SCAMP3: variants seen among roughly 807,000 people sequenced by gnomAD.
The protein encoded by SCAMP3 is secretory carrier-associated membrane protein 3.
A neutral mutation model predicts 44.1 loss-of-function variants in SCAMP3; 30 were observed. The observed-to-expected ratio is 0.68, with a 90% CI of 0.51 to 0.92. The LOEUF (loss-of-function observed/expected upper bound fraction) is 0.92. Ranked by LOEUF, SCAMP3 falls within the 40% of genes least tolerant of loss-of-function variation. The pLI is 0.00. For missense variants in SCAMP3, 394 were observed against 440.0 expected (o/e 0.90, Z 0.93); for synonymous variants, 168 against 171.1 (o/e 0.98, Z 0.14).
At chr1:155,256,890 GCTCC>G (rs1672815692) in intron 7 of SCAMP3, 99 bp from the exon 8 acceptor site, 4 of 865,950 alleles carry the variant, frequency 4.6e-6, no homozygotes, top group South Asian at 4.4e-5. Flanking sequence ...ATCAGCAGTG[GCTCC>G]CTGTCAATCG....
intron 4 of SCAMP3, 44 bp downstream of exon 4, chr1:155,260,286 C>T (rs764416896): frequency 2.5e-6 from 4 of 1,601,600 alleles, no homozygotes; most frequent in Admixed American, 1.7e-5. Context: ...CCTGTTTTTG[C>T]TCCTCCCAAA....
chr1:155,256,793 T>C lies in SCAMP3; in HGVS notation c.780-2A>G. On this transcript the variant is annotated splice_acceptor_variant, in intron 7 of 8. Coordinates refer to ENST00000302631, the MANE Select transcript of SCAMP3 (RefSeq NM_005698.4). LOFTEE classifies it high-confidence loss of function. ...ACCACCAGAGCAGAGATCCAGCCAC[T>C]GTAAAGGGAAGGATGTACCAGTGAA... is the stretch of plus-strand genomic sequence containing the variant. 1 of 1,612,708 alleles carries C rather than the reference T, an allele frequency of 6.2e-7. No homozygotes were observed. Among genetic ancestry groups the C allele is most frequent in the Non-Finnish European group, 8.5e-7 (1 of 1,178,692 alleles).
intron 4 of SCAMP3, 92 bp from the exon 5 acceptor site, chr1:155,259,046 C>CTT (rs34682738): frequency 7.3e-3 from 3,563 of 484,912 alleles, no homozygotes; most frequent in Non-Finnish European, 8.6e-3. Flanking sequence ...TGGATCCTCT[C>CTT]TTTTTTTTTT....
chr1:155,256,516 GCACACACACTCA>G (rs1030860989), intron 8 of SCAMP3, 97 bp from the exon 9 acceptor site: 25 of 1,446,904 alleles, frequency 1.7e-5, no homozygotes, highest in Non-Finnish European at 2.3e-5. Context: ...CTGCTGCCCA[GCACACACACTCA>G]CACACAGAAA....
At chr1:155,259,046 CTTTTTTTTTTTT>C (rs34682738) in intron 4 of SCAMP3, 92 bp from the exon 5 acceptor site, 11 of 487,582 alleles carry the variant, frequency 2.3e-5, no homozygotes, top group Admixed American at 1.1e-4. Context: ...TGGATCCTCT[CTTTTTTTTTTTT>C]TTTTTTTTTT....
At chr1:155,260,730 C>G in intron 2 of SCAMP3, 71 bp from the exon 3 acceptor site, 2 of 1,363,914 alleles carry the variant, frequency 1.5e-6, no homozygotes, top group Non-Finnish European at 2.0e-6. Flanking sequence ...GCTTGAATAC[C>G]TTTAGACCCA....
intron 1 of SCAMP3, 70 bp downstream of exon 1, chr1:155,262,016 T>C: frequency 6.8e-7 from 1 of 1,471,464 alleles, no homozygotes; most frequent in Non-Finnish European, 9.5e-7. Context: ...GGGATACAAG[T>C]TAGCCCGACC....
chr1:155,258,294 C>T (rs968355830), intron 5 of SCAMP3, among the ~76,000 whole-genome samples: 25 of 139,384 alleles, frequency 1.8e-4, no homozygotes, highest in Non-Finnish European at 3.2e-4. Flanking sequence ...GCTGGGATTA[C>T]AGGTGTGAGC....
chr1:155,260,018 C>G (rs1369270086), intron 4 of SCAMP3, among the ~76,000 whole-genome samples: 1 of 150,142 alleles, frequency 6.7e-6, no homozygotes, highest in Non-Finnish European at 1.5e-5. Flanking sequence ...GTGGCGCTAT[C>G]TCGGCTCACT....
rs563500300 is a variant in SCAMP3 at position 155,256,724 on chromosome 1, C to T, written c.847G>A (p.Ala283Thr). The stretch of plus-strand genomic sequence containing the variant: ...ACAGCAATGCCAGTGAAGAGCAGGG[C>T]GACCAGCAGCATGAGCACGGATACT... The part of the protein sequence containing the change: ...TAVSVLMLLV[A>T]LLFTGIAVLG... The change falls in exon 8 of 9, where the codon GCC becomes ACC. Residue 283 changes from alanine (A) to threonine (T), a missense_variant. Coordinates refer to ENST00000302631, the MANE Select transcript of SCAMP3 (RefSeq NM_005698.4). 1.7e-5 allele frequency: 27 copies of T among 1,614,188 alleles called. No individual in the cohort carries two copies. The highest frequency in any genetic ancestry group is 1.0e-4 in the Admixed American group (6 of 60,014).
In SCAMP3 at chr1:155,256,417, G is replaced by A. The variant is rs1572001433; in HGVS notation, c.900C>T (p.Ile300=). 5 of 1,580,154 alleles carry A rather than the reference G, an allele frequency of 3.2e-6. No individual in the cohort carries two copies. Among genetic ancestry groups the A allele is most frequent in the Non-Finnish European group, 4.3e-6 (5 of 1,160,710 alleles). The part of the protein sequence containing the change: ...AVLGIVMLKR[I]HSLYRRTGAS... ...CACCTGTGCGGCGGTATAAGGAGTG[G>A]ATCTGCAAGTAGAGGACAAAGACAT... Residue 300 remains isoleucine, a splice_region_variant and synonymous_variant, in exon 9 of 9, where the codon ATC becomes ATT. Transcript: ENST00000302631.
rs1337714627 is a variant in SCAMP3, at chr1:155,260,288, C to T, written c.388+42G>A. ...CAGGCCCTTAAGACCTGTTTTTGCTCCTCCCAAACTCTCAGATGCTCTTCC... is the reference window on the plus strand; with the variant it reads ...CAGGCCCTTAAGACCTGTTTTTGCTTCTCCCAAACTCTCAGATGCTCTTCC... On this transcript the variant is annotated intron_variant, in intron 4 of 8. Coordinates refer to ENST00000302631, the MANE Select transcript of SCAMP3 (RefSeq NM_005698.4). 3.1e-6 allele frequency: 5 copies of T among 1,602,208 alleles called. No individual in the cohort carries two copies. In the South Asian group the frequency reaches 5.5e-5, roughly 18 times the overall value.
chr1:155,259,039 A>G, intron 4 of SCAMP3, 85 bp from the exon 5 acceptor site: 1 of 749,424 alleles, frequency 1.3e-6, no homozygotes. Context: ...CCATCCCTGG[A>G]TCCTCTCTTT....
At position 155,258,836 on chromosome 1, in the gene SCAMP3, G is replaced by A; in HGVS notation, c.507C>T (p.Tyr169=). 6.2e-7 allele frequency: 1 copy of A among 1,609,646 alleles called. No individual in the cohort carries two copies. Among genetic ancestry groups the A allele is most frequent in the Non-Finnish European group, 8.5e-7 (1 of 1,178,412 alleles). The change falls in exon 5 of 9, where the codon TAC becomes TAT. Residue 169 remains tyrosine, a synonymous_variant. Transcript: ENST00000302631. The stretch of plus-strand genomic sequence containing the variant: ...CTTCTCACTACTCACACATCCAGAG[G>A]TAGTACATGGTGGATACAGTCTTCT... ...EFQKTVSTMY[Y]LWMCSTLALL... is the part of the protein sequence containing the mutation.
At chr1:155,260,720 G>A in intron 2 of SCAMP3, 61 bp from the exon 3 acceptor site, 1 of 1,441,708 alleles carries the variant, frequency 6.9e-7, no homozygotes, top group Non-Finnish European at 9.4e-7. Context: ...TCTAGAGTCT[G>A]CTTGAATACC....
At chr1:155,259,605 C>G (rs987393049) in intron 4 of SCAMP3, among the ~76,000 whole-genome samples, 1 of 152,060 alleles carries the variant, frequency 6.6e-6, no homozygotes, top group African/African-American at 2.4e-5. Context: ...GCTCAAGCAA[C>G]CTGCCTGCCT....
chr1:155,257,674 C>T lies in SCAMP3; in HGVS notation c.518-17G>A. The stretch of plus-strand genomic sequence containing the variant: ...GCGTGCTGCCTAAGGGGCAGAGGGA[C>T]AGGATGAGGAGCCCTTCTGGACTGC... On this transcript the variant is annotated splice_polypyrimidine_tract_variant and intron_variant, in intron 5 of 8. Coordinates refer to ENST00000302631, the MANE Select transcript of SCAMP3 (RefSeq NM_005698.4). 3 of 1,551,534 alleles carry T rather than the reference C, an allele frequency of 1.9e-6. No homozygotes were observed. The highest frequency in any genetic ancestry group is 2.6e-6 in the Non-Finnish European group (3 of 1,147,544).
At position 155,257,591 on chromosome 1, in the gene SCAMP3, T is replaced by C. The variant is rs368555181; in HGVS notation, c.584A>G (p.Asn195Ser). 6.3e-6 allele frequency: 10 copies of C among 1,594,926 alleles called. No homozygotes were observed. Among genetic ancestry groups the C allele is most frequent in the Non-Finnish European group, 8.6e-6 (10 of 1,169,512 alleles). ...GATAGAAAGCCCAAAGCCTGCGCCA[T>C]TGTTGGTTTCCACACAGAAGCTGGC... ...CLASFCVETN[N>S]GAGFGLSILW... The change falls in exon 6 of 9, where the codon AAT becomes AGT. Residue 195 changes from asparagine (N) to serine (S), a missense_variant. By Grantham distance (46) the Asn-to-Ser change is conservative (BLOSUM62 1). Transcript: ENST00000302631.
At chr1:155,261,433 G>T (rs946787243) in intron 2 of SCAMP3, 2 of 581,032 alleles carry the variant, frequency 3.4e-6, no homozygotes, top group African/African-American at 3.7e-5. Context: ...CCAGCCTCCA[G>T]ATCTTCCCAG....
Sources: allele counts gnomAD v4.1 joint callset (sites outside exome capture counted in the v4.1 genomes callset), GRCh38; gene constraint gnomAD v4.1.1; transcripts MANE v1.5; gene names NCBI Gene and HGNC (gene_info 2026-07-23, HGNC 2026-07-21).